The following DENND1A variants were observed in gnomAD, a reference collection of about 807,000 sequenced individuals.
The protein encoded by DENND1A is DENN domain-containing protein 1A.
DENND1A carries 51 observed loss-of-function variants against 113.7 expected under a neutral mutation model. The observed-to-expected ratio is 0.45, with a 90% confidence interval of 0.36 to 0.57. DENND1A has a LOEUF of 0.57. DENND1A is among the 20% of genes least tolerant of loss of function. The pLI, the probability that DENND1A is intolerant of heterozygous loss-of-function variation, is 0.00. For missense variants in DENND1A, 1,258 were observed against 1,395.9 expected, an observed-to-expected ratio of 0.90 and a Z score of 1.57; for synonymous variants, 565 against 570.8, an observed-to-expected ratio of 0.99 and a Z score of 0.14.
intron 5 of DENND1A, among the ~76,000 whole-genome samples, chr9:123,738,745 T>C (rs2068763515): frequency 6.6e-6 from 1 of 152,208 alleles, no homozygotes; most frequent in Non-Finnish European, 1.5e-5. Flanking sequence ...TGGACCTGTC[T>C]ACTATCAAAG....
chr9:123,516,814 G>A (rs1443021791), intron 13 of DENND1A, among the ~76,000 whole-genome samples: 2 of 140,166 alleles, frequency 1.4e-5, no homozygotes, highest in Non-Finnish European at 3.0e-5. Context: ...AACCCGGGAG[G>A]CAGAAGTTGC....
At chr9:123,457,715 C>T (rs2048234726) in intron 14 of DENND1A, 78 bp downstream of exon 14, 1 of 1,389,818 alleles carries the variant, frequency 7.2e-7, no homozygotes, top group Admixed American at 2.1e-5. Context: ...TGCCTGCGGC[C>T]TCAGTACTTA....
chr9:123,629,592 C>T (rs1449555127), intron 10 of DENND1A, among the ~76,000 whole-genome samples: 1 of 152,222 alleles, frequency 6.6e-6, no homozygotes, highest in Non-Finnish European at 1.5e-5. Flanking sequence ...CTTCCTTTTA[C>T]AGATGAGTAA....
At chr9:123,623,221 C>T (rs1165786492) in intron 10 of DENND1A, among the ~76,000 whole-genome samples, 1 of 152,138 alleles carries the variant, frequency 6.6e-6, no homozygotes, top group Non-Finnish European at 1.5e-5. Flanking sequence ...GCTCTCAAGG[C>T]AACAGAAGTA....
chr9:123,750,882 T>G (rs1264682938), intron 5 of DENND1A, among the ~76,000 whole-genome samples: 1 of 152,168 alleles, frequency 6.6e-6, no homozygotes, highest in Non-Finnish European at 1.5e-5. Context: ...CATAAACAGC[T>G]TAAAACAAGA....
At chr9:123,510,479 A>G (rs1325876467) in intron 13 of DENND1A, among the ~76,000 whole-genome samples, 1 of 152,216 alleles carries the variant, frequency 6.6e-6, no homozygotes, top group Non-Finnish European at 1.5e-5. Context: ...TGCACCTGCC[A>G]TTTTTTGTGA....
At chr9:123,896,712 T>C (rs932097973) in intron 1 of DENND1A, among the ~76,000 whole-genome samples, 3 of 151,864 alleles carry the variant, frequency 2.0e-5, no homozygotes, top group African/African-American at 7.3e-5. Flanking sequence ...ACAAAATAGT[T>C]CTCAAAATAA....
chr9:123,390,505 T>C (rs1461472319), intron 21 of DENND1A, among the ~76,000 whole-genome samples: 1 of 152,206 alleles, frequency 6.6e-6, no homozygotes, highest in Non-Finnish European at 1.5e-5. Context: ...TAGAGGCCAC[T>C]TCTACCCCTC....
chr9:123,413,894 C>A (rs889199789), intron 19 of DENND1A: 2 of 985,334 alleles, frequency 2.0e-6, no homozygotes, highest in Admixed American at 6.2e-5. Flanking sequence ...GGGAGCCCAC[C>A]CCCTCCACCG....
In DENND1A at chr9:123,914,275, AC is replaced by A. The variant is rs201449179; in HGVS notation, c.17+15613del. ...ATAGCAATGCCAGGCGCAGTGTCTC[AC>A]CCCTGTAATCCCAGCACTTTGGGAG... On this transcript the variant is annotated intron_variant, in intron 1 of 23. Coordinates refer to ENST00000394215, the MANE Select transcript of DENND1A (RefSeq NM_001352964.2). 9.8e-3 allele frequency among the ~76,000 whole-genome samples: 1,489 copies of A among 151,918 alleles called. 27 individuals carry two copies. Among genetic ancestry groups the A allele is most frequent in the East Asian group, 0.02 (104 of 5,154 alleles).
At chr9:123,583,095 C>T in intron 12 of DENND1A, 74 bp downstream of exon 12, 1 of 1,133,642 alleles carries the variant, frequency 8.8e-7, no homozygotes, top group Non-Finnish European at 1.3e-6. Flanking sequence ...CCCTCCTTCC[C>T]CATTCCCCAA....
chr9:123,424,833 G>T (rs1424836326), intron 19 of DENND1A, among the ~76,000 whole-genome samples: 1 of 152,222 alleles, frequency 6.6e-6, no homozygotes, highest in Non-Finnish European at 1.5e-5. Context: ...TTTGTGAAGG[G>T]GCTTGGCTGA....
At chr9:123,458,872 GA>G (rs1351213403) in intron 13 of DENND1A, among the ~76,000 whole-genome samples, 1 of 152,210 alleles carries the variant, frequency 6.6e-6, no homozygotes, top group African/African-American at 2.4e-5. Flanking sequence ...TGAGGCAGGA[GA>G]ATCGCTTGAA....
At chr9:123,624,337 G>A (rs1367965835) in intron 10 of DENND1A, among the ~76,000 whole-genome samples, 1 of 152,210 alleles carries the variant, frequency 6.6e-6, no homozygotes, top group East Asian at 1.9e-4. Context: ...ATAGAATGAA[G>A]TTATTAGCAT....
chr9:123,757,335 A>G (rs2070655807), intron 5 of DENND1A, among the ~76,000 whole-genome samples: 1 of 152,218 alleles, frequency 6.6e-6, no homozygotes, highest in South Asian at 2.1e-4. Flanking sequence ...AGCTACAGAC[A>G]CATACTTTAT....
intron 3 of DENND1A, among the ~76,000 whole-genome samples, chr9:123,772,559 C>A (rs1332422250): frequency 6.6e-6 from 1 of 152,170 alleles, no homozygotes; most frequent in African/African-American, 2.4e-5. Flanking sequence ...CCACATAAAT[C>A]GGATCTTGGG....
intron 3 of DENND1A, among the ~76,000 whole-genome samples, chr9:123,775,531 A>G (rs934424730): frequency 7.3e-5 from 11 of 151,078 alleles, no homozygotes; most frequent in Middle Eastern, 7.0e-3. Context: ...GAAAAGGGGA[A>G]AAAAAAAAGA....
chr9:123,590,232 GACTT>G (rs1407363355), intron 11 of DENND1A, among the ~76,000 whole-genome samples: 1 of 152,154 alleles, frequency 6.6e-6, no homozygotes, highest in Non-Finnish European at 1.5e-5. Flanking sequence ...CGTTGACTGT[GACTT>G]ACTTAGGTAG....
chr9:123,835,722 C>G (rs1049218763), intron 2 of DENND1A, among the ~76,000 whole-genome samples: 1 of 151,046 alleles, frequency 6.6e-6, no homozygotes, highest in African/African-American at 2.4e-5. Flanking sequence ...TCAAAACACA[C>G]TCCTCCACCA....
Sources: allele counts gnomAD v4.1 joint callset (sites outside exome capture counted in the v4.1 genomes callset), GRCh38; gene constraint gnomAD v4.1.1; transcripts MANE v1.5; gene names NCBI Gene and HGNC (gene_info 2026-07-23, HGNC 2026-07-21).